AOAH: variants seen among roughly 807,000 people sequenced by gnomAD.
AOAH encodes acyloxyacyl hydrolase.
In AOAH, 64 loss-of-function variants were observed where a neutral mutation model predicts 92.2. That is an observed-to-expected ratio of 0.69 (90% CI 0.57 to 0.86). AOAH has a LOEUF of 0.86. Among genes scored for constraint, AOAH ranks in the 40% least tolerant of loss-of-function variants. The probability of loss-of-function intolerance (pLI) is 0.00; values close to 1 mark genes in which losing one functional copy is unlikely to be tolerated. For synonymous variants in AOAH, 263 were observed against 254.5 expected, an observed-to-expected ratio of 1.03 and a Z score of -0.32; for missense variants, 656 against 694.6, an observed-to-expected ratio of 0.94 and a Z score of 0.62.
intron 19 of AOAH, among the ~76,000 whole-genome samples, chr7:36,524,990 C>T (rs769111297): frequency 6.6e-6 from 1 of 152,158 alleles, no homozygotes. Flanking sequence ...GGGAATTGAG[C>T]CTCATCAAGA....
chr7:36,580,376 T>C (rs765696977), intron 12 of AOAH, among the ~76,000 whole-genome samples: 5 of 152,200 alleles, frequency 3.3e-5, no homozygotes, highest in Admixed American at 6.5e-5. Context: ...AATGACCTTA[T>C]TGGTTCTCTG....
chr7:36,617,031 G>A (rs948999068), intron 10 of AOAH, among the ~76,000 whole-genome samples: 1 of 152,240 alleles, frequency 6.6e-6, no homozygotes, highest in South Asian at 2.1e-4. Flanking sequence ...ATCTGACTCT[G>A]AGGCCCATCC....
At chr7:36,557,166 T>G (rs1206202288) in intron 13 of AOAH, among the ~76,000 whole-genome samples, 2 of 152,222 alleles carry the variant, frequency 1.3e-5, no homozygotes, top group African/African-American at 2.4e-5. Flanking sequence ...AGGAGCTCTT[T>G]TAGGGCAGGC....
chr7:36,646,917 G>A (rs1414677475), intron 4 of AOAH, among the ~76,000 whole-genome samples: 1 of 152,188 alleles, frequency 6.6e-6, no homozygotes, highest in Non-Finnish European at 1.5e-5. Context: ...AATTCCTTTT[G>A]CTGTCCAAGG....
chr7:36,552,306 C>T (rs955847878), intron 13 of AOAH, among the ~76,000 whole-genome samples: 1 of 152,152 alleles, frequency 6.6e-6, no homozygotes, highest in African/African-American at 2.4e-5. Context: ...TTTCCAGCTC[C>T]ACCCATGTCC....
intron 2 of AOAH, among the ~76,000 whole-genome samples, chr7:36,676,097 C>G (rs1343399455): frequency 1.3e-5 from 2 of 151,926 alleles, no homozygotes; most frequent in Non-Finnish European, 2.9e-5. Flanking sequence ...TTTTATTCAA[C>G]GTTATAAGTT....
chr7:36,534,930 TTG>T (rs1348848578), intron 16 of AOAH, among the ~76,000 whole-genome samples: 1 of 146,634 alleles, frequency 6.8e-6, no homozygotes, highest in Admixed American at 6.9e-5. Context: ...GTCTGTGTTT[TTG>T]TGTGTTTCTG....
chr7:36,658,232 T>A (rs1795004023), intron 4 of AOAH, among the ~76,000 whole-genome samples: 1 of 152,116 alleles, frequency 6.6e-6, no homozygotes, highest in African/African-American at 2.4e-5. Flanking sequence ...GCTGATGTAT[T>A]TAATACTGTC....
chr7:36,541,133 C>T (rs1377176458), intron 15 of AOAH, among the ~76,000 whole-genome samples: 2 of 152,190 alleles, frequency 1.3e-5, no homozygotes, highest in African/African-American at 2.4e-5. Flanking sequence ...CTGTATCTTG[C>T]TCTTTATCCT....
chr7:36,553,674 C>T (rs988978770), intron 13 of AOAH, among the ~76,000 whole-genome samples: 46 of 152,110 alleles, frequency 3.0e-4, no homozygotes, highest in African/African-American at 1.1e-3. Flanking sequence ...TTAATGATCG[C>T]CATTCTAACT....
intron 3 of AOAH, among the ~76,000 whole-genome samples, chr7:36,662,727 T>A (rs938806857): frequency 6.6e-6 from 1 of 152,140 alleles, no homozygotes; most frequent in Non-Finnish European, 1.5e-5. Flanking sequence ...TCCTCCCTAA[T>A]AGGGCACAAC....
intron 1 of AOAH, chr7:36,690,259 G>A (rs58087691): frequency 5.1e-5 from 22 of 432,950 alleles, no homozygotes; most frequent in Middle Eastern, 3.4e-4. Context: ...GAGTCTTACC[G>A]CTATCGTCAC....
At chr7:36,697,587 G>T (rs1323167388) in intron 1 of AOAH, among the ~76,000 whole-genome samples, 1 of 152,156 alleles carries the variant, frequency 6.6e-6, no homozygotes, top group Non-Finnish European at 1.5e-5. Flanking sequence ...GAAAGAAATT[G>T]TGTTGGATTG....
chr7:36,515,666 CCCCTCACAA>C (rs1444837511), intron 20 of AOAH, among the ~76,000 whole-genome samples: 1 of 134,680 alleles, frequency 7.4e-6, no homozygotes, highest in Non-Finnish European at 1.6e-5. Context: ...ACACACCACA[CCCCTCACAA>C]CCCCACACCA....
intron 16 of AOAH, among the ~76,000 whole-genome samples, chr7:36,537,042 T>C (rs1785111768): frequency 6.6e-6 from 1 of 150,410 alleles, no homozygotes; most frequent in Admixed American, 6.6e-5. Context: ...ATGAGTCCTG[T>C]CAAAGGAGGC....
intron 11 of AOAH, among the ~76,000 whole-genome samples, chr7:36,610,765 TG>T (rs1381096663): frequency 2.0e-5 from 3 of 152,216 alleles, no homozygotes; most frequent in Non-Finnish European, 4.4e-5. Context: ...GTCACATGAC[TG>T]GCTTTGGCTG....
In AOAH at chr7:36,614,720, G is replaced by T. The variant is rs1791733999; in HGVS notation, c.846+1660C>A. Among the ~76,000 whole-genome samples, 1 of 152,216 alleles carries T rather than the reference G, an allele frequency of 6.6e-6. No homozygotes were observed. The highest frequency in any genetic ancestry group is 2.1e-4 in the South Asian group (1 of 4,830). On this transcript the variant is annotated intron_variant, in intron 11 of 20. Coordinates refer to ENST00000617537, the MANE Select transcript of AOAH (RefSeq NM_001637.4). The surrounding 1 kb of genome is among the most constrained non-coding windows in gnomAD (Gnocchi z 4.2). ...GGGCACAGGCAAGAGGAAGATTGGG[G>T]TTGGGCATGGTGGCAGCTGTCACCT...
chr7:36,675,301 A>G (rs1562684593), intron 2 of AOAH, among the ~76,000 whole-genome samples: 1 of 152,236 alleles, frequency 6.6e-6, no homozygotes, highest in Non-Finnish European at 1.5e-5. Flanking sequence ...AGGCAATTAA[A>G]ACTGTGTCCT....
intron 2 of AOAH, among the ~76,000 whole-genome samples, chr7:36,680,343 T>C (rs1272368934): frequency 6.6e-6 from 1 of 152,260 alleles, no homozygotes; most frequent in East Asian, 1.9e-4. Flanking sequence ...ACTAAGAGAT[T>C]ATTCTCAAGA....
Sources: gnomAD v4.1 joint callset for allele counts (sites outside exome capture counted in the v4.1 genomes callset) on GRCh38, gnomAD v4.1.1 for gene constraint, Gnocchi (gnomAD v3.1) non-coding constraint, MANE v1.5 for transcripts, NCBI Gene and HGNC (gene_info 2026-07-23, HGNC 2026-07-21) for gene names.